DRC11: variants seen among roughly 807,000 people sequenced by gnomAD.
DRC11 encodes dynein regulatory complex subunit 11.
At chr2:236,469,841 T>C in the DRC11 span, among the ~76,000 whole-genome samples, 114 of 152,240 alleles carry the variant, frequency 7.5e-4, no homozygotes, top group African/African-American at 2.6e-3. The surrounding 1 kb of genome is among the most constrained non-coding windows in gnomAD (Gnocchi z 5.8). Flanking sequence ...AAATTACAAA[T>C]ATTAAAGGAA....
the DRC11 span, among the ~76,000 whole-genome samples, chr2:236,358,168 A>G: frequency 1.6e-5 from 2 of 122,238 alleles, no homozygotes; most frequent in Non-Finnish European, 3.2e-5. Flanking sequence ...ATATGAATAT[A>G]TAATATATAT....
At chr2:236,495,084 T>C in the DRC11 span, among the ~76,000 whole-genome samples, 1 of 152,326 alleles carries the variant, frequency 6.6e-6, no homozygotes, top group East Asian at 1.9e-4. This position sits in a 1 kb window ranked among gnomAD's most constrained non-coding sequence, Gnocchi z 5.6. Context: ...GGCTCATGCC[T>C]GTAATCCCAG....
chr2:236,389,629 C>T, the DRC11 span, among the ~76,000 whole-genome samples: 1 of 152,206 alleles, frequency 6.6e-6, no homozygotes, highest in Non-Finnish European at 1.5e-5. Context: ...TCTTCTGCGT[C>T]GCTCACACTG....
At chr2:236,324,281 T>A in the DRC11 span, 9 of 208,712 alleles carry the variant, frequency 4.3e-5, no homozygotes, top group Non-Finnish European at 7.8e-5. This position sits in a 1 kb window ranked among gnomAD's most constrained non-coding sequence, Gnocchi z 5.7. Context: ...GATGATATAC[T>A]CATTGCTTAC....
the DRC11 span, among the ~76,000 whole-genome samples, chr2:236,397,814 A>G: frequency 1.3e-5 from 2 of 152,182 alleles, no homozygotes; most frequent in African/African-American, 2.4e-5. The surrounding 1 kb of genome is among the most constrained non-coding windows in gnomAD (Gnocchi z 5.0). Context: ...GAACTTACAG[A>G]AACTACTCAG....
At chr2:236,357,612 TATAA>T in the DRC11 span, among the ~76,000 whole-genome samples, 1 of 122,998 alleles carries the variant, frequency 8.1e-6, no homozygotes, top group Non-Finnish European at 1.6e-5. Flanking sequence ...AATATATATT[TATAA>T]ATATATAAAT....
the DRC11 span, among the ~76,000 whole-genome samples, chr2:236,470,831 C>A: frequency 4.6e-5 from 7 of 151,940 alleles, no homozygotes; most frequent in South Asian, 1.5e-3. This position sits in a 1 kb window ranked among gnomAD's most constrained non-coding sequence, Gnocchi z 5.1. Flanking sequence ...GGGCACAAAA[C>A]TATTAAAGAA....
the DRC11 span, among the ~76,000 whole-genome samples, chr2:236,329,260 G>A: frequency 6.6e-6 from 1 of 152,156 alleles, no homozygotes; most frequent in African/African-American, 2.4e-5. Context: ...CCCCTGTGCC[G>A]TGTAACCTCA....
At chr2:236,356,821 TTC>T in the DRC11 span, among the ~76,000 whole-genome samples, 1 of 151,134 alleles carries the variant, frequency 6.6e-6, no homozygotes, top group African/African-American at 2.4e-5. Context: ...GCCTTATAAC[TTC>T]TTTCACCTGT....
chr2:236,447,214 G>A, the DRC11 span, among the ~76,000 whole-genome samples: 6 of 151,588 alleles, frequency 4.0e-5, no homozygotes, highest in Non-Finnish European at 7.3e-5. The surrounding 1 kb of genome is among the most constrained non-coding windows in gnomAD (Gnocchi z 4.6). Context: ...ACATGCAGAC[G>A]TCCAAGCTGC....
chr2:236,364,090 A>G, the DRC11 span: 1 of 884,630 alleles, frequency 1.1e-6, no homozygotes, highest in African/African-American at 1.7e-5. Flanking sequence ...TTTCTGCAAC[A>G]GTGATAAAGG....
the DRC11 span, among the ~76,000 whole-genome samples, chr2:236,445,921 G>T: frequency 1.3e-5 from 2 of 152,148 alleles, no homozygotes; most frequent in Admixed American, 6.5e-5. This position sits in a 1 kb window ranked among gnomAD's most constrained non-coding sequence, Gnocchi z 4.8. Flanking sequence ...TGGGTGGCTA[G>T]AAGGCCTCTG....
chr2:236,477,738 T>C, the DRC11 span, among the ~76,000 whole-genome samples: 2 of 152,178 alleles, frequency 1.3e-5, no homozygotes, highest in Non-Finnish European at 2.9e-5. Context: ...GTTCAGGTTT[T>C]CTGTTTCTTC....
chr2:236,467,451 C>T, the DRC11 span, among the ~76,000 whole-genome samples: 5 of 152,188 alleles, frequency 3.3e-5, no homozygotes, highest in Non-Finnish European at 7.4e-5. Context: ...CTTTCAGTTA[C>T]GTGTATCATT....
chr2:236,326,816 G>A, the DRC11 span, among the ~76,000 whole-genome samples: 1 of 151,480 alleles, frequency 6.6e-6, no homozygotes, highest in Admixed American at 6.6e-5. Context: ...GTGTGTGTGT[G>A]TGTGTGTGTG....
chr2:236,491,240 T>TATATATATATATATAC, the DRC11 span, among the ~76,000 whole-genome samples: 8 of 52,530 alleles, frequency 1.5e-4, no homozygotes, highest in South Asian at 4.2e-4. Flanking sequence ...TATATATATA[T>TATATATATATATATAC]ACACAGTATA....
chr2:236,480,169 C>T, the DRC11 span, among the ~76,000 whole-genome samples: 2 of 151,892 alleles, frequency 1.3e-5, no homozygotes, highest in South Asian at 2.1e-4. Flanking sequence ...TTTTAGAATC[C>T]CATTGCTGTC....
At chr2:236,456,310 G>A in the DRC11 span, among the ~76,000 whole-genome samples, 1 of 152,162 alleles carries the variant, frequency 6.6e-6, no homozygotes. This position sits in a 1 kb window ranked among gnomAD's most constrained non-coding sequence, Gnocchi z 5.4. Flanking sequence ...GCACAGAGAG[G>A]TTAAGAAACT....
chr2:236,339,357 G>A, the DRC11 span, among the ~76,000 whole-genome samples: 1 of 152,110 alleles, frequency 6.6e-6, no homozygotes, highest in Non-Finnish European at 1.5e-5. Context: ...ATTTTCTTCT[G>A]TTCTGTGGGT....
Sources: gnomAD v4.1 joint callset for allele counts (sites outside exome capture counted in the v4.1 genomes callset) on GRCh38, gnomAD v4.1.1 for gene constraint, Gnocchi (gnomAD v3.1) non-coding constraint, MANE v1.5 for transcripts, NCBI Gene and HGNC (gene_info 2026-07-23, HGNC 2026-07-21) for gene names.